The following NSA2 variants were observed in gnomAD, a reference collection of about 807,000 sequenced individuals.
NSA2 encodes ribosome biogenesis protein NSA2 homolog.
A neutral mutation model predicts 34.8 loss-of-function variants in NSA2; 18 were observed. The ratio of observed to expected loss-of-function variants is 0.52; its 90% CI spans 0.36 to 0.77. The LOEUF (loss-of-function observed/expected upper bound fraction) is 0.77, where lower values mean the gene tolerates loss of function less well. NSA2 is among the 30% of genes least tolerant of loss of function. The probability of loss-of-function intolerance (pLI) is 0.00; values close to 1 mark genes in which losing one functional copy is unlikely to be tolerated. For missense variants in NSA2, 188 were observed against 314.7 expected, an observed-to-expected ratio of 0.60 and a Z score of 3.05; for synonymous variants, 79 against 100.2, an observed-to-expected ratio of 0.79 and a Z score of 1.26.
rs1262012840 is a variant in NSA2, at chr5:74,771,865, A to G, written c.522+1055A>G. Among the ~76,000 whole-genome samples the G allele has an allele frequency of 1.1e-4, 12 of 106,834 alleles. No individual in the cohort carries two copies. In the Admixed American group the frequency reaches 1.3e-3, roughly 11 times the overall value. The allele number at this position is 106,834 out of a possible 152,430, so 70.1% of individuals were successfully genotyped here. A position where few individuals can be genotyped will look rare whatever the true frequency, so the allele number is the denominator to read the frequency against. On this transcript the variant is annotated intron_variant, in intron 4 of 5. Coordinates refer to ENST00000610426, the MANE Select transcript of NSA2 (RefSeq NM_014886.6). ...CAAGATTCTGTCTCAAAAAAAAAAA[A>G]AAAAGAAAAAAAGAAAAAGAAAATC...
In NSA2 at chr5:74,767,317, T is replaced by G; in HGVS notation, c.-44T>G. The G allele has an allele frequency of 1.2e-6, 2 of 1,612,900 alleles. No individual in the cohort carries two copies. The highest frequency in any genetic ancestry group is 1.7e-6 in the Non-Finnish European group (2 of 1,179,130). ...TTGAGACCCGAAAATTGAGAGCGTT[T>G]TCGCACTCCAGCGGCTGCTCCTGGC... On this transcript the variant is annotated 5_prime_UTR_variant, in exon 1 of 6. Transcript: ENST00000610426.
In NSA2 at chr5:74,777,590, A is replaced by T. The variant is rs1355907773; in HGVS notation, c.*919A>T. On this transcript the variant is annotated 3_prime_UTR_variant, in exon 6 of 6. Transcript: ENST00000610426. Reference sequence around the variant, plus strand: ...ATCACCACATTGTTTTAAATTGTTTATTTTTTTTTTAAAGAAGTCTGTCTT... The same window carrying T: ...ATCACCACATTGTTTTAAATTGTTTTTTTTTTTTTTAAAGAAGTCTGTCTT... The T allele has an allele frequency of 1.3e-5, 2 of 150,206 alleles. No individual in the cohort carries two copies. The highest frequency in any genetic ancestry group is 3.0e-5 in the Non-Finnish European group (2 of 67,356). The allele number at this position is 150,206 out of a possible 1,614,324, so 9.3% of individuals were successfully genotyped here. A position where few individuals can be genotyped will look rare whatever the true frequency, so the allele number is the denominator to read the frequency against.
At position 74,769,295 on chromosome 5, in the gene NSA2, G is replaced by A. The variant is rs1284267655; in HGVS notation, c.273G>A (p.Leu91=). The change falls in exon 3 of 6, where the codon CTG becomes CTA. Residue 91 remains leucine (L), a synonymous_variant. Coordinates refer to ENST00000610426, the MANE Select transcript of NSA2 (RefSeq NM_014886.6). ...TPQGAVPAYL[L]DREGQSRAKV... The stretch of plus-strand genomic sequence containing the variant: ...AGGGAGCAGTACCTGCCTATCTGCT[G>A]GACAGAGAGGGACAATCTCGAGCTA... 5.6e-6 allele frequency: 9 copies of A among 1,612,742 alleles called. No homozygotes were observed. In the South Asian group the frequency reaches 8.8e-5, roughly 16 times the overall value.
chr5:74,768,762 AAGAC>A (rs1170283290), intron 1 of NSA2, among the ~76,000 whole-genome samples, 165 bp from the exon 2 acceptor site: 2 of 152,244 alleles, frequency 1.3e-5, no homozygotes, highest in Admixed American at 6.5e-5. Context: ...CATATCATTC[AAGAC>A]CAAAATTTAA....
rs1348835881 is a variant in NSA2, at chr5:74,778,398, G to C, written c.*1727G>C. On this transcript the variant is annotated 3_prime_UTR_variant, in exon 6 of 6. Coordinates refer to ENST00000610426, the MANE Select transcript of NSA2 (RefSeq NM_014886.6). ...GAGCAGATATTTAGATATTAGTACA[G>C]GCTCAATTTGATGCAATCATAAACC... 1.3e-5 allele frequency: 2 copies of C among 151,968 alleles called. No individual in the cohort carries two copies. The highest frequency in any genetic ancestry group is 2.9e-5 in the Non-Finnish European group (2 of 67,878). The allele number at this position is 151,968 out of a possible 1,614,324, so 9.4% of individuals were successfully genotyped here. A position where few individuals can be genotyped will look rare whatever the true frequency, so the allele number is the denominator to read the frequency against.
Position 74,768,402 on chromosome 5 carries a change from C to G in NSA2, c.4-529C>G, listed in dbSNP as rs562552480. On this transcript the variant is annotated intron_variant, in intron 1 of 5. Transcript: ENST00000610426. Reference sequence around the variant, plus strand: ...CTGTTTCATTCTGGGAAAGGCAAAACTGTAGGGATAGGTATCAAACTGAGG... The same window carrying G: ...CTGTTTCATTCTGGGAAAGGCAAAAGTGTAGGGATAGGTATCAAACTGAGG... Among the ~76,000 whole-genome samples, 4 of 152,236 alleles carry G rather than the reference C, an allele frequency of 2.6e-5. No homozygotes were observed. The South Asian group carries it at 6.2e-4, about 24-fold the overall frequency.
intron 5 of NSA2, among the ~76,000 whole-genome samples, chr5:74,775,709 A>AAAAAT (rs1044125033): frequency 1.3e-5 from 2 of 152,128 alleles, no homozygotes; most frequent in Non-Finnish European, 2.9e-5. Context: ...ATTGTAAAAA[A>AAAAAT]AAAATAGAAT....
In NSA2 at chr5:74,773,935, T is replaced by G. The variant is rs908027359; in HGVS notation, c.590T>G (p.Leu197Arg). 2 of 1,613,852 alleles carry G rather than the reference T, an allele frequency of 1.2e-6. No individual in the cohort carries two copies. Among genetic ancestry groups the G allele is most frequent in the Non-Finnish European group, 1.7e-6 (2 of 1,179,874 alleles). ...AAAGCCACCTTTTGCCTACCAATAC[T>G]TGGTGTAAAGAAGAATCCCTCATCC... ...ELKATFCLPI[L>R]GVKKNPSSPL... The change falls in exon 5 of 6, where the codon CTT becomes CGT. Residue 197 changes from leucine to arginine, a missense_variant. Leu to Arg is a moderately radical substitution (Grantham distance 102). Coordinates refer to ENST00000610426, the MANE Select transcript of NSA2 (RefSeq NM_014886.6).
At chr5:74,773,504 G>A (rs1452592098) in intron 4 of NSA2, among the ~76,000 whole-genome samples, 1 of 151,640 alleles carries the variant, frequency 6.6e-6, no homozygotes, top group South Asian at 2.1e-4. Context: ...GCTAGGCATG[G>A]TGGTGCGTGC....
chr5:74,769,614 A>G (rs1744852381), intron 3 of NSA2: 1 of 328,084 alleles, frequency 3.0e-6, no homozygotes, highest in Non-Finnish European at 5.5e-6. Flanking sequence ...TGAATTTCAA[A>G]TTCAATATTT....
At chr5:74,768,104 A>C (rs1744766611) in intron 1 of NSA2, among the ~76,000 whole-genome samples, 1 of 152,260 alleles carries the variant, frequency 6.6e-6, no homozygotes, top group Non-Finnish European at 1.5e-5. Context: ...GGTGAAAAGA[A>C]AAATAATGCA....
intron 1 of NSA2, 74 bp downstream of exon 1, chr5:74,767,437 G>A: frequency 6.4e-7 from 1 of 1,574,120 alleles, no homozygotes; most frequent in African/African-American, 1.3e-5. Context: ...TGGGGCGCTG[G>A]GGTAGGGGGT....
intron 1 of NSA2, 81 bp downstream of exon 1, chr5:74,767,444 G>A: frequency 6.4e-7 from 1 of 1,552,570 alleles, no homozygotes; most frequent in Non-Finnish European, 8.8e-7. Context: ...CTGGGGTAGG[G>A]GGTGAGCGGT....
intron 5 of NSA2, among the ~76,000 whole-genome samples, 183 bp from the exon 6 acceptor site, chr5:74,776,421 T>C (rs1488742302): frequency 6.6e-6 from 1 of 152,120 alleles, no homozygotes; most frequent in Non-Finnish European, 1.5e-5. Context: ...GGAGAATCGC[T>C]TGAGCCCAGG....
chr5:74,770,506 C>G, intron 3 of NSA2, 125 bp from the exon 4 acceptor site: 1 of 716,268 alleles, frequency 1.4e-6, no homozygotes, highest in Non-Finnish European at 2.3e-6. Flanking sequence ...GACGGTTGAG[C>G]CAAAAATGTG....
In NSA2 at chr5:74,771,861, AAAAAAAAAG is replaced by A. The variant is rs1475474873; in HGVS notation, c.522+1059_522+1067del. On this transcript the variant is annotated intron_variant, in intron 4 of 5. Coordinates refer to ENST00000610426, the MANE Select transcript of NSA2 (RefSeq NM_014886.6). ...AGAGCAAGATTCTGTCTCAAAAAAA[AAAAAAAAAG>A]AAAAAAAGAAAAAGAAAATCTTTGA... Among the ~76,000 whole-genome samples the A allele has an allele frequency of 3.4e-3, 367 of 107,516 alleles. 4 individuals carry two copies. The highest frequency in any genetic ancestry group is 0.016 in the African/African-American group (347 of 21,070). The allele number at this position is 107,516 out of a possible 152,430, so 70.5% of individuals were successfully genotyped here. A position where few individuals can be genotyped will look rare whatever the true frequency, so the allele number is the denominator to read the frequency against.
intron 5 of NSA2, among the ~76,000 whole-genome samples, chr5:74,776,403 C>CTGAG (rs1745123159): frequency 6.6e-6 from 1 of 152,090 alleles, no homozygotes; most frequent in Admixed American, 6.5e-5. Context: ...ACCCGGAAGA[C>CTGAG]TGAGTGAGGA....
rs1274218539 is a variant in NSA2 at position 74,773,889 on chromosome 5, C to CATG, written c.545_547dup (p.His182_Val183insAsp). The CATG allele has an allele frequency of 6.2e-7, 1 of 1,612,684 alleles. No homozygotes were observed. The highest frequency in any genetic ancestry group is 8.5e-7 in the Non-Finnish European group (1 of 1,179,452). On this transcript the variant is annotated inframe_insertion, in exon 5 of 6. Coordinates refer to ENST00000610426, the MANE Select transcript of NSA2 (RefSeq NM_014886.6). The stretch of plus-strand genomic sequence containing the variant: ...CTAGGGCTTGCGTTTCAAGAAAGCC[C>CATG]ATGTAACACATCCTGAACTGAAAGC...
chr5:74,777,587 T>C lies in NSA2; in HGVS notation c.*916T>C, dbSNP rs1368554290. 6.9e-6 allele frequency: 1 copy of C among 145,742 alleles called. No homozygotes were observed. The highest frequency in any genetic ancestry group is 6.7e-5 in the Admixed American group (1 of 14,824). The allele number at this position is 145,742 out of a possible 1,614,324, so 9.0% of individuals were successfully genotyped here. The stretch of plus-strand genomic sequence containing the variant: ...ATAATCACCACATTGTTTTAAATTG[T>C]TTATTTTTTTTTTAAAGAAGTCTGT... On this transcript the variant is annotated 3_prime_UTR_variant, in exon 6 of 6. Coordinates refer to ENST00000610426, the MANE Select transcript of NSA2 (RefSeq NM_014886.6).
Sources: allele counts gnomAD v4.1 joint callset (sites outside exome capture counted in the v4.1 genomes callset), GRCh38; gene constraint gnomAD v4.1.1; transcripts MANE v1.5; gene names NCBI Gene and HGNC (gene_info 2026-07-23, HGNC 2026-07-21).